SYCP2: variants seen among roughly 807,000 people sequenced by gnomAD.
The protein encoded by SYCP2 is synaptonemal complex lateral element protein.
SYCP2 carries 55 observed loss-of-function variants against 211.3 expected under a neutral mutation model. The ratio of observed to expected loss-of-function variants is 0.26; its 90% CI spans 0.21 to 0.33. SYCP2 has a LOEUF of 0.33. Among genes scored for constraint, SYCP2 ranks in the 10% least tolerant of loss-of-function variants. The probability of loss-of-function intolerance (pLI) is 1.00; values close to 1 mark genes in which losing one functional copy is unlikely to be tolerated. For synonymous variants in SYCP2, 570 were observed against 555.2 expected, an observed-to-expected ratio of 1.03 and a Z score of -0.37; for missense variants, 1,731 against 1,752.0, an observed-to-expected ratio of 0.99 and a Z score of 0.21.
chr20:59,901,836 T>C lies in SYCP2; in HGVS notation c.1034-26A>G, dbSNP rs748183092. 6.5e-6 allele frequency: 10 copies of C among 1,534,476 alleles called. No homozygotes were observed. In the South Asian group the frequency reaches 1.1e-4, roughly 18 times the overall value. On this transcript the variant is annotated intron_variant, in intron 15 of 44. Coordinates refer to ENST00000357552, the MANE Select transcript of SYCP2 (RefSeq NM_014258.4). Reference sequence around the variant, plus strand: ...CTGTATAGAAACAACACTGATTAGTTTACGTTTCTATGATACTACTCTGCA... The same window carrying C: ...CTGTATAGAAACAACACTGATTAGTCTACGTTTCTATGATACTACTCTGCA...
chr20:59,900,174 G>A lies in SYCP2; in HGVS notation c.1368C>T (p.Asn456=), dbSNP rs1304570327. 2 of 1,612,992 alleles carry A rather than the reference G, an allele frequency of 1.2e-6. No homozygotes were observed. The highest frequency in any genetic ancestry group is 2.2e-5 in the East Asian group (1 of 44,784). Reference sequence around the variant, plus strand: ...TATTATTTCTATTCCCTTTGTCACTGTTTTTGATATATTTTGAAGGTTTAG... The same window carrying A: ...TATTATTTCTATTCCCTTTGTCACTATTTTTGATATATTTTGAAGGTTTAG... ...EFAKPSKYIK[N]SDKGNRNNSQ... Residue 456 remains asparagine, a synonymous_variant, in exon 18 of 45, where the codon AAC becomes AAT. Coordinates refer to ENST00000357552, the MANE Select transcript of SYCP2 (RefSeq NM_014258.4).
intron 20 of SYCP2, among the ~76,000 whole-genome samples, chr20:59,894,761 A>G (rs6071012): frequency 6.6e-6 from 1 of 152,022 alleles, no homozygotes; most frequent in Non-Finnish European, 1.5e-5. Context: ...AAAAGCTATT[A>G]GATGTTCCTC....
At chr20:59,924,151 G>A (rs568401180) in intron 2 of SYCP2, among the ~76,000 whole-genome samples, 1 of 151,944 alleles carries the variant, frequency 6.6e-6, no homozygotes, top group South Asian at 2.1e-4. Flanking sequence ...TTAAGGAGGG[G>A]AAGTTAAAAT....
At chr20:59,903,150 A>G (rs1240583805) in intron 15 of SYCP2, among the ~76,000 whole-genome samples, 1 of 151,480 alleles carries the variant, frequency 6.6e-6, no homozygotes, top group Non-Finnish European at 1.5e-5. Flanking sequence ...AAATTTATGA[A>G]TATTTGTTAT....
chr20:59,892,003 T>C lies in SYCP2; in HGVS notation c.2351A>G (p.Lys784Arg), dbSNP rs2059917253. 6.3e-7 allele frequency: 1 copy of C among 1,585,278 alleles called. No individual in the cohort carries two copies. The highest frequency in any genetic ancestry group is 1.4e-5 in the African/African-American group (1 of 73,158). The change falls in exon 24 of 45, where the codon AAA (lysine) becomes AGA (arginine). Residue 784 changes from lysine to arginine, a missense_variant. Transcript: ENST00000357552. ...TTGAAAGCTCACCATTTTTTTTTGT[T>C]TCGAATCCCAGGAATTAAGCTCAGA... is the stretch of plus-strand genomic sequence containing the variant. ...LTSELNSWDS[K>R]QKKMREKSKG...
intron 2 of SYCP2, among the ~76,000 whole-genome samples, chr20:59,927,517 C>T (rs1336938698): frequency 6.6e-6 from 1 of 151,990 alleles, no homozygotes; most frequent in Non-Finnish European, 1.5e-5. Flanking sequence ...CTTCCAGGGT[C>T]AACATCTAAA....
chr20:59,890,624 G>A (rs913816130), intron 24 of SYCP2, among the ~76,000 whole-genome samples: 1 of 152,004 alleles, frequency 6.6e-6, no homozygotes, highest in Non-Finnish European at 1.5e-5. Flanking sequence ...AGTGATTCAT[G>A]AACTGGTGGG....
At chr20:59,891,505 CTT>C (rs200279460) in intron 24 of SYCP2, among the ~76,000 whole-genome samples, 2,936 of 151,956 alleles carry the variant, frequency 0.019, 40 homozygotes, top group Middle Eastern at 0.041. Flanking sequence ...CATTCACATA[CTT>C]TCTTGCAAAA....
At chr20:59,870,926 G>A (rs1189320533) in intron 35 of SYCP2, among the ~76,000 whole-genome samples, 1 of 151,644 alleles carries the variant, frequency 6.6e-6, no homozygotes, top group Non-Finnish European at 1.5e-5. Flanking sequence ...TCTAAAATTT[G>A]AGTCAAATTT....
intron 39 of SYCP2, among the ~76,000 whole-genome samples, chr20:59,866,972 A>G (rs1476189002): frequency 4.0e-5 from 6 of 149,020 alleles, no homozygotes; most frequent in Admixed American, 6.7e-5. Context: ...AGGAGAATAT[A>G]TAAGTCAAAG....
chr20:59,882,161 T>A lies in SYCP2; in HGVS notation c.2534A>T (p.Lys845Ile). ...TTTTCTGTAGCTTTTTTTCTGAACT[T>A]TTTCCTGAAAAGAGGGTTATAAAAA... is the stretch of plus-strand genomic sequence containing the variant. ...NKPVVQLSKE[K>I]VQKKSYRKLK... The change falls in exon 27 of 45, where the codon AAA becomes ATA. Residue 845 changes from lysine to isoleucine, a missense_variant. Around this residue, in one of 3 missense-constraint regions of SYCP2, gnomAD observed 1,387 missense variants for 1,351.3 expected, o/e 1.03. Coordinates refer to ENST00000357552, the MANE Select transcript of SYCP2 (RefSeq NM_014258.4). 1.9e-6 allele frequency: 3 copies of A among 1,610,100 alleles called. No homozygotes were observed. The Admixed American group carries it at 5.0e-5, about 27-fold the overall frequency.
chr20:59,908,908 T>TC (rs1297712128), intron 14 of SYCP2, among the ~76,000 whole-genome samples: 1 of 152,164 alleles, frequency 6.6e-6, no homozygotes, highest in Admixed American at 6.5e-5. Flanking sequence ...TCACGCTCTT[T>TC]CCTTAACTTG....
Position 59,914,136 on chromosome 20 carries a change from T to TAGCA in SYCP2, c.749_750insTGCT (p.Lys250AsnfsTer5). 6.2e-7 allele frequency: 1 copy of TAGCA among 1,604,058 alleles called. No homozygotes were observed. The highest frequency in any genetic ancestry group is 2.2e-5 in the East Asian group (1 of 44,676). On this transcript the variant is annotated frameshift_variant, in exon 11 of 45. Coordinates refer to ENST00000357552, the MANE Select transcript of SYCP2 (RefSeq NM_014258.4). LOFTEE classifies it high-confidence loss of function. ...TTTCAAATTCAGAGTCCTTAATTCTTTTAAATGCCTTAGCAATAAAATCCA... is the reference window on the plus strand; with the variant it reads ...TTTCAAATTCAGAGTCCTTAATTCTTAGCATTAAATGCCTTAGCAATAAAATCCA...
chr20:59,882,064 G>A (rs760687927), intron 27 of SYCP2, 31 bp downstream of exon 27: 1 of 1,607,538 alleles, frequency 6.2e-7, no homozygotes, highest in East Asian at 2.2e-5. Flanking sequence ...CAAATATGAA[G>A]AAAATGAAAA....
At chr20:59,868,671 T>G in intron 37 of SYCP2, 103 bp from the exon 38 acceptor site, 1 of 1,345,902 alleles carries the variant, frequency 7.4e-7, no homozygotes, top group East Asian at 2.5e-5. Flanking sequence ...CACTAAGTAT[T>G]TTTATTATGT....
intron 31 of SYCP2, 56 bp from the exon 32 acceptor site, chr20:59,878,101 A>T: frequency 9.0e-7 from 1 of 1,114,020 alleles, no homozygotes; most frequent in Non-Finnish European, 1.3e-6. Flanking sequence ...TAGGCATTAA[A>T]TTTATTAGAA....
chr20:59,900,338 A>T, intron 17 of SYCP2, 54 bp from the exon 18 acceptor site: 1 of 1,444,002 alleles, frequency 6.9e-7, no homozygotes. Flanking sequence ...ACAGAAAGTA[A>T]TCAACAATCA....
rs143236334 is a variant in SYCP2, at chr20:59,884,705, G to A, written c.2529+1223C>T. The stretch of plus-strand genomic sequence containing the variant: ...CATATGTTCATTCACCTGTTGCATC[G>A]TTTGTGTGCTGTTACAGAATATGTA... On this transcript the variant is annotated intron_variant, in intron 26 of 44. Transcript: ENST00000357552. Among the ~76,000 whole-genome samples the A allele has an allele frequency of 7.4e-3, 1,123 of 151,974 alleles. 19 individuals are homozygous for A. Among genetic ancestry groups the A allele is most frequent in the African/African-American group, 0.025 (1,057 of 41,478 alleles).
rs2059506472 is a variant in SYCP2, at chr20:59,874,039, C to A, written c.3372G>T (p.Lys1124Asn). 6.2e-7 allele frequency: 1 copy of A among 1,601,404 alleles called. No individual in the cohort carries two copies. The highest frequency in any genetic ancestry group is 1.3e-5 in the African/African-American group (1 of 74,188). Residue 1124 changes from lysine to asparagine, a missense_variant, in exon 35 of 45, where the codon AAG (lysine) becomes AAT (asparagine). Lys to Asn is a moderately conservative substitution (Grantham distance 94). Around this residue, in one of 3 missense-constraint regions of SYCP2, gnomAD observed 1,387 missense variants for 1,351.3 expected, o/e 1.03. Transcript: ENST00000357552. The part of the protein sequence containing the change: ...VTRCIEKITE[K>N]DFTQDYDCIT... ...TGCAGTCATAATCCTGAGTAAAATC[C>A]TTTTCTGTTATTTTCTCTATACCTA...
Sources: gnomAD v4.1 joint callset for allele counts (sites outside exome capture counted in the v4.1 genomes callset) on GRCh38, gnomAD v4.1.1 for gene constraint, gnomAD v4.1.1 regional missense constraint, MANE v1.5 for transcripts, NCBI Gene and HGNC (gene_info 2026-07-23, HGNC 2026-07-21) for gene names.